Variants in KCTD16 observed in about 807,000 individuals in gnomAD.
The protein encoded by KCTD16 is potassium channel tetramerization domain containing 16.
Under a neutral mutation model 33.2 loss-of-function variants are expected in KCTD16, and 13 were observed. That is an observed-to-expected ratio of 0.39 (90% CI 0.25 to 0.62). KCTD16 has a LOEUF of 0.62. Among genes scored for constraint, KCTD16 ranks in the 20% least tolerant of loss-of-function variants. The pLI is 0.50. For synonymous variants in KCTD16, 197 were observed against 195.3 expected (o/e 1.01, Z -0.07); for missense variants, 441 against 525.1 (o/e 0.84, Z 1.57).
At chr5:144,362,434 T>C (rs17101837) in intron 3 of KCTD16, among the ~76,000 whole-genome samples, 2,867 of 152,232 alleles carry the variant, frequency 0.019, 80 homozygotes, top group African/African-American at 0.065. Flanking sequence ...CACCTCTTCC[T>C]TTTGGATCTC....
intron 3 of KCTD16, among the ~76,000 whole-genome samples, chr5:144,251,935 A>C (rs1580821238): frequency 6.6e-6 from 1 of 152,194 alleles, no homozygotes; most frequent in South Asian, 2.1e-4. Flanking sequence ...CCCATTTATC[A>C]TCTTTCCTTC....
chr5:144,298,136 C>A (rs564131254), intron 3 of KCTD16, among the ~76,000 whole-genome samples: 38 of 152,288 alleles, frequency 2.5e-4, no homozygotes, highest in African/African-American at 8.2e-4. Flanking sequence ...CTGGGTTCCA[C>A]GGTTCTCTTC....
intron 3 of KCTD16, among the ~76,000 whole-genome samples, chr5:144,287,363 C>T (rs1755773171): frequency 6.6e-6 from 1 of 152,180 alleles, no homozygotes; most frequent in Admixed American, 6.5e-5. Flanking sequence ...AGCACAGCTG[C>T]CAGGCCCCTT....
intron 3 of KCTD16, among the ~76,000 whole-genome samples, chr5:144,305,746 G>T (rs925204307): frequency 2.0e-5 from 3 of 152,158 alleles, no homozygotes; most frequent in African/African-American, 7.2e-5. Flanking sequence ...CCCAGGAGGC[G>T]CAGGTTGCAG....
chr5:144,214,304 G>A (rs1363270008), intron 3 of KCTD16, among the ~76,000 whole-genome samples: 2 of 152,028 alleles, frequency 1.3e-5, no homozygotes, highest in Non-Finnish European at 2.9e-5. Flanking sequence ...TATTGCAAAT[G>A]AGCTTAAATT....
chr5:144,208,691 T>G (rs895413243), intron 3 of KCTD16, among the ~76,000 whole-genome samples: 2 of 152,226 alleles, frequency 1.3e-5, no homozygotes, highest in African/African-American at 4.8e-5. Context: ...GTTTAATCAT[T>G]TGGCAATGGT....
chr5:144,231,400 T>C (rs2126812789), intron 3 of KCTD16, among the ~76,000 whole-genome samples: 1 of 152,278 alleles, frequency 6.6e-6, no homozygotes, highest in East Asian at 1.9e-4. Flanking sequence ...CACATTCTAG[T>C]GGAGCATATA....
intron 3 of KCTD16, among the ~76,000 whole-genome samples, chr5:144,219,513 CTTTTTT>C (rs59442398): frequency 1.3e-4 from 10 of 77,126 alleles, no homozygotes; most frequent in Non-Finnish European, 1.4e-4. Flanking sequence ...TGTGCTGGGC[CTTTTTT>C]TTTTTTTTTT....
chr5:144,336,190 T>A (rs147362835), intron 3 of KCTD16, among the ~76,000 whole-genome samples: 38 of 152,324 alleles, frequency 2.5e-4, no homozygotes, highest in African/African-American at 8.2e-4. Flanking sequence ...TCTAATTCAT[T>A]TTCCCCTTTG....
At chr5:144,366,679 A>G (rs1751843447) in intron 3 of KCTD16, among the ~76,000 whole-genome samples, 1 of 152,174 alleles carries the variant, frequency 6.6e-6, no homozygotes, top group South Asian at 2.1e-4. Context: ...TGTGTCCAGA[A>G]AAAAACAATA....
At chr5:144,423,953 T>C (rs1753267189) in intron 3 of KCTD16, among the ~76,000 whole-genome samples, 1 of 151,992 alleles carries the variant, frequency 6.6e-6, no homozygotes, top group Admixed American at 6.6e-5. Flanking sequence ...AAAAGATCCG[T>C]GCATAATTTT....
intron 3 of KCTD16, among the ~76,000 whole-genome samples, chr5:144,398,969 G>A (rs1487781180): frequency 6.6e-6 from 1 of 152,114 alleles, no homozygotes; most frequent in Admixed American, 6.6e-5. Context: ...GTTGGTTCCT[G>A]TGAATTAAAA....
In KCTD16 at chr5:144,473,893, C is replaced by G; in HGVS notation, c.1066C>G (p.Gln356Glu). Residue 356 changes from glutamine to glutamate, a missense_variant, in exon 4 of 4, where the codon CAG (glutamine) becomes GAG (glutamate). Coordinates refer to ENST00000512467, the MANE Select transcript of KCTD16 (RefSeq NM_020768.4). The stretch of plus-strand genomic sequence containing the variant: ...GAAGGGCCCTGTCCAGCTGATCCAA[C>G]AGTCAGAGATGCGGCGGAAAAGCGA... ...IKKGPVQLIQQSEMRRKSDLL... is the reference protein window; with the variant it reads ...IKKGPVQLIQESEMRRKSDLL... 1 of 1,614,058 alleles carries G rather than the reference C, an allele frequency of 6.2e-7. No individual in the cohort carries two copies.
intron 3 of KCTD16, among the ~76,000 whole-genome samples, chr5:144,403,040 C>T (rs1194419529): frequency 6.6e-6 from 1 of 152,220 alleles, no homozygotes; most frequent in African/African-American, 2.4e-5. Flanking sequence ...ACTCTACTTT[C>T]TGCCTTTGTG....
intron 2 of KCTD16, among the ~76,000 whole-genome samples, chr5:144,189,456 A>G (rs146849739): frequency 4.0e-4 from 61 of 151,140 alleles, no homozygotes; most frequent in African/African-American, 1.4e-3. Flanking sequence ...AGATTGCGCC[A>G]CTGCACTTCA....
chr5:144,433,162 G>A (rs1455951614), intron 3 of KCTD16, among the ~76,000 whole-genome samples: 2 of 152,162 alleles, frequency 1.3e-5, no homozygotes, highest in African/African-American at 4.8e-5. Context: ...AAGTGTAGGA[G>A]GTCAGGAGTA....
intron 3 of KCTD16, among the ~76,000 whole-genome samples, chr5:144,421,976 G>A (rs1365798328): frequency 1.3e-5 from 2 of 151,988 alleles, no homozygotes; most frequent in African/African-American, 4.8e-5. Flanking sequence ...GAAAATATTT[G>A]TCTACATGTG....
chr5:144,341,148 TTG>T (rs1424107451), intron 3 of KCTD16, among the ~76,000 whole-genome samples: 10 of 152,194 alleles, frequency 6.6e-5, no homozygotes, highest in African/African-American at 2.4e-4. Flanking sequence ...GTTATAATTT[TTG>T]TTGTTTAGCC....
intron 3 of KCTD16, among the ~76,000 whole-genome samples, chr5:144,241,804 T>C (rs2126822218): frequency 6.6e-6 from 1 of 152,304 alleles, no homozygotes; most frequent in Admixed American, 6.5e-5. Context: ...ATGATTGAAA[T>C]ATTACATTCA....
Sources: gnomAD v4.1 joint callset for allele counts (sites outside exome capture counted in the v4.1 genomes callset) on GRCh38, gnomAD v4.1.1 for gene constraint, MANE v1.5 for transcripts, NCBI Gene and HGNC (gene_info 2026-07-23, HGNC 2026-07-21) for gene names.